MGAT4C: variants seen among roughly 807,000 people sequenced by gnomAD.
MGAT4C encodes the protein MGAT4 family member C, also known as alpha-1,3-mannosyl-glycoprotein 4-beta-N-acetylglucosaminyltransferase C.
Under a neutral mutation model 40.1 loss-of-function variants are expected in MGAT4C, and 19 were observed. The observed-to-expected ratio is 0.47, with a 90% confidence interval of 0.33 to 0.70. The LOEUF is 0.70. Ranked by LOEUF, MGAT4C falls within the 30% of genes least tolerant of loss-of-function variation. MGAT4C has a pLI of 0.02. For missense variants in MGAT4C, 491 were observed against 563.2 expected, an observed-to-expected ratio of 0.87 and a Z score of 1.30; for synonymous variants, 181 against 187.1, an observed-to-expected ratio of 0.97 and a Z score of 0.27.
intron 2 of MGAT4C, among the ~76,000 whole-genome samples, chr12:86,674,342 A>G (rs893985887): frequency 1.3e-5 from 2 of 152,224 alleles, no homozygotes; most frequent in East Asian, 3.9e-4. Context: ...ATACATTTCA[A>G]ATTTTTACTA....
At chr12:86,330,195 T>C (rs1175714197) in intron 4 of MGAT4C, among the ~76,000 whole-genome samples, 6 of 152,192 alleles carry the variant, frequency 3.9e-5, no homozygotes, top group Non-Finnish European at 8.8e-5. Flanking sequence ...AGGGTAGGAA[T>C]GTTACACAAA....
chr12:86,059,191 T>C (rs6539942), intron 1 of MGAT4C, among the ~76,000 whole-genome samples: 86,471 of 151,832 alleles, frequency 0.57, 25,274 homozygotes, highest in East Asian at 0.93. Context: ...TGATTACAGG[T>C]GCCTGCTACC....
intron 2 of MGAT4C, among the ~76,000 whole-genome samples, chr12:86,617,733 TAGA>T (rs1224347743): frequency 6.6e-6 from 1 of 151,374 alleles, no homozygotes; most frequent in African/African-American, 2.4e-5. Context: ...AATAAAATAT[TAGA>T]AGAAGACCTA....
At chr12:86,280,709 T>A (rs1034267225) in intron 4 of MGAT4C, among the ~76,000 whole-genome samples, 1 of 149,900 alleles carries the variant, frequency 6.7e-6, no homozygotes, top group African/African-American at 2.5e-5. Context: ...TTTTTTTTTT[T>A]AAATGAAATA....
At chr12:86,554,365 AC>A (rs1318290774) in intron 2 of MGAT4C, among the ~76,000 whole-genome samples, 5 of 151,940 alleles carry the variant, frequency 3.3e-5, no homozygotes, top group Admixed American at 3.3e-4. Context: ...CCATCTTCAA[AC>A]CCTGATTCAC....
chr12:86,750,852 G>T (rs1951222166), intron 1 of MGAT4C, among the ~76,000 whole-genome samples: 1 of 151,952 alleles, frequency 6.6e-6, no homozygotes, highest in African/African-American at 2.4e-5. Context: ...TTAATTTTCA[G>T]AAACTTCAGG....
chr12:86,690,813 A>G (rs1950159221), intron 2 of MGAT4C, among the ~76,000 whole-genome samples: 1 of 152,138 alleles, frequency 6.6e-6, no homozygotes, highest in Non-Finnish European at 1.5e-5. Context: ...CAATATTTTC[A>G]TCACTTTCCT....
rs1164888981 is a variant in MGAT4C, at chr12:85,977,853, C to A, written c.*1436G>T. 6.7e-6 allele frequency: 1 copy of A among 148,864 alleles called. No individual in the cohort carries two copies. The highest frequency in any genetic ancestry group is 2.1e-4 in the South Asian group (1 of 4,720). The allele number at this position is 148,864 out of a possible 1,614,324, so 9.2% of individuals were successfully genotyped here. A position where few individuals can be genotyped will look rare whatever the true frequency, so the allele number is the denominator to read the frequency against. ...ACACACAGAGTCATCTATATGAACA[C>A]GTACTTGAGTTTCTTAAACATATAT... On this transcript the variant is annotated 3_prime_UTR_variant, in exon 5 of 5. Coordinates refer to ENST00000611864, the MANE Select transcript of MGAT4C (RefSeq NM_001351288.2).
intron 2 of MGAT4C, among the ~76,000 whole-genome samples, chr12:86,486,222 G>C (rs1470941353): frequency 3.3e-5 from 5 of 152,108 alleles, no homozygotes; most frequent in Admixed American, 6.6e-5. Context: ...TACTACCCTG[G>C]AACGTAAATG....
chr12:86,759,978 G>A (rs1003047425), intron 1 of MGAT4C, among the ~76,000 whole-genome samples: 20 of 151,964 alleles, frequency 1.3e-4, no homozygotes, highest in Non-Finnish European at 2.8e-4. Flanking sequence ...ACAATTTTGA[G>A]CAAAAATAAC....
At chr12:86,079,695 G>A (rs2135539049) in intron 1 of MGAT4C, among the ~76,000 whole-genome samples, 1 of 151,930 alleles carries the variant, frequency 6.6e-6, no homozygotes, top group Non-Finnish European at 1.5e-5. Flanking sequence ...AATGATTTAT[G>A]TATATAAGTT....
intron 2 of MGAT4C, among the ~76,000 whole-genome samples, chr12:86,028,934 T>G (rs2136896625): frequency 6.6e-6 from 1 of 152,102 alleles, no homozygotes; most frequent in East Asian, 1.9e-4. Context: ...TATTTTATTG[T>G]TTTATCAAAC....
chr12:86,826,946 C>G (rs888632874), intron 1 of MGAT4C, among the ~76,000 whole-genome samples: 7 of 151,356 alleles, frequency 4.6e-5, no homozygotes, highest in Non-Finnish European at 1.0e-4. Context: ...AAGAAGCTTT[C>G]TAGACATCTC....
intron 1 of MGAT4C, among the ~76,000 whole-genome samples, chr12:86,206,628 T>G (rs1950265093): frequency 6.6e-6 from 1 of 152,144 alleles, no homozygotes; most frequent in Admixed American, 6.5e-5. Flanking sequence ...CTTTTATTTC[T>G]CCACTCTTGC....
chr12:86,248,346 A>AAG (rs2136067037), intron 1 of MGAT4C, among the ~76,000 whole-genome samples: 1 of 152,130 alleles, frequency 6.6e-6, no homozygotes, highest in African/African-American at 2.4e-5. Flanking sequence ...CTTTGACCTC[A>AAG]AGAGAGTAAA....
At chr12:86,467,312 A>C (rs1265812675) in intron 2 of MGAT4C, among the ~76,000 whole-genome samples, 1 of 152,176 alleles carries the variant, frequency 6.6e-6, no homozygotes, top group Non-Finnish European at 1.5e-5. Context: ...TATTTCTTAG[A>C]GGATGGCAAA....
At chr12:86,075,513 C>T (rs1869514443) in intron 1 of MGAT4C, among the ~76,000 whole-genome samples, 1 of 152,182 alleles carries the variant, frequency 6.6e-6, no homozygotes. Context: ...GCCCTCTTCT[C>T]ACAGCTCCAC....
chr12:86,294,237 TG>T (rs1399522139), intron 4 of MGAT4C, among the ~76,000 whole-genome samples: 1 of 152,160 alleles, frequency 6.6e-6, no homozygotes, highest in Non-Finnish European at 1.5e-5. Flanking sequence ...TGGACATGTT[TG>T]GGGGCCTCCT....
intron 1 of MGAT4C, among the ~76,000 whole-genome samples, chr12:86,177,605 C>T (rs1385249244): frequency 6.6e-6 from 1 of 151,832 alleles, no homozygotes; most frequent in Non-Finnish European, 1.5e-5. Context: ...TCTATGTCAC[C>T]AACACCCTAT....
Sources: allele counts gnomAD v4.1 joint callset (sites outside exome capture counted in the v4.1 genomes callset), GRCh38; gene constraint gnomAD v4.1.1; transcripts MANE v1.5; gene names NCBI Gene and HGNC (gene_info 2026-07-23, HGNC 2026-07-21).